The following GTF2E2 variants were observed in gnomAD, a reference collection of about 807,000 sequenced individuals.
The protein encoded by GTF2E2 is general transcription factor IIE subunit 2.
In GTF2E2, 21 loss-of-function variants were observed where a neutral mutation model predicts 40.5. That is an observed-to-expected ratio of 0.52 (90% confidence interval 0.37 to 0.75). GTF2E2 has a LOEUF of 0.75. Among genes scored for constraint, GTF2E2 ranks in the 30% least tolerant of loss-of-function variants. GTF2E2 has a pLI of 0.00. For synonymous variants in GTF2E2, 117 were observed against 121.6 expected, an observed-to-expected ratio of 0.96 and a Z score of 0.25; for missense variants, 298 against 338.4, an observed-to-expected ratio of 0.88 and a Z score of 0.94.
At chr8:30,581,245 C>T (rs1828508390) in intron 6 of GTF2E2, among the ~76,000 whole-genome samples, 1 of 152,152 alleles carries the variant, frequency 6.6e-6, no homozygotes. Context: ...CACAACTGCC[C>T]CACGCACTGA....
At chr8:30,639,118 T>C (rs1801716629) in intron 2 of GTF2E2, among the ~76,000 whole-genome samples, 1 of 152,234 alleles carries the variant, frequency 6.6e-6, no homozygotes, top group Admixed American at 6.5e-5. Context: ...TTATATTTTT[T>C]AGAATATGAG....
intron 2 of GTF2E2, chr8:30,643,637 G>A (rs1346638944): frequency 8.5e-5 from 12 of 141,164 alleles, no homozygotes; most frequent in African/African-American, 3.0e-4. Context: ...TCCAGCCTGG[G>A]CAACAGAGCA....
rs561198137 is a variant in GTF2E2, at chr8:30,614,547, T to TA, written c.366+60dup. Reference sequence around the variant, plus strand: ...TGTGCAACAGAGCAAGACTCTGTCTTAAAAAAAAAAGAAAATTCTAGTTAC... The same window carrying TA: ...TGTGCAACAGAGCAAGACTCTGTCTTAAAAAAAAAAAGAAAATTCTAGTTAC... On this transcript the variant is annotated intron_variant, in intron 4 of 7. Coordinates refer to ENST00000355904, the MANE Select transcript of GTF2E2 (RefSeq NM_002095.6). 7,385 of 821,506 alleles carry TA rather than the reference T, an allele frequency of 9.0e-3. 1 individual carries two copies. Among genetic ancestry groups the TA allele is most frequent in the Non-Finnish European group, 9.8e-3 (5,038 of 515,878 alleles). 50.9% of individuals were successfully genotyped at this position (821,506 alleles called of 1,614,324 possible). A position where few individuals can be genotyped will look rare whatever the true frequency, so the allele number is the denominator to read the frequency against.
At chr8:30,594,719 G>C (rs542980737) in intron 6 of GTF2E2, among the ~76,000 whole-genome samples, 1 of 151,948 alleles carries the variant, frequency 6.6e-6, no homozygotes, top group Non-Finnish European at 1.5e-5. Flanking sequence ...TTAGACGGGC[G>C]TGGTGGTGTA....
At chr8:30,650,992 C>A (rs1195271328) in intron 2 of GTF2E2, among the ~76,000 whole-genome samples, 3 of 140,058 alleles carry the variant, frequency 2.1e-5, no homozygotes, top group Non-Finnish European at 3.0e-5. Context: ...CCAGCCTGGG[C>A]AACAGAGCAA....
At chr8:30,599,363 G>A (rs531644079) in intron 6 of GTF2E2, among the ~76,000 whole-genome samples, 2 of 152,000 alleles carry the variant, frequency 1.3e-5, no homozygotes, top group South Asian at 2.1e-4. Context: ...AATCACTTGA[G>A]GTCAGGAGTT....
At chr8:30,637,729 G>T (rs1231553215) in intron 2 of GTF2E2, among the ~76,000 whole-genome samples, 1 of 152,108 alleles carries the variant, frequency 6.6e-6, no homozygotes, top group Non-Finnish European at 1.5e-5. Flanking sequence ...CACCATCTTG[G>T]CCAGGCTGGT....
chr8:30,610,429 G>C (rs1829446393), intron 5 of GTF2E2, among the ~76,000 whole-genome samples: 1 of 133,514 alleles, frequency 7.5e-6, no homozygotes, highest in African/African-American at 2.8e-5. Flanking sequence ...ATGGGTGACA[G>C]TGTGACTCTG....
At position 30,580,324 on chromosome 8, in the gene GTF2E2, C is replaced by T. The variant is rs748268212; in HGVS notation, c.716G>A (p.Arg239Gln). Reference sequence around the variant, plus strand: ...TTCCTGCATGGAAGAAATACCCTGTCGCTTCAGATATTCTTCAATTTTCTC... The same window carrying T: ...TTCCTGCATGGAAGAAATACCCTGTTGCTTCAGATATTCTTCAATTTTCTC... ...DEEKIEEYLKRQGISSMQESG... is the reference protein window; with the variant it reads ...DEEKIEEYLKQQGISSMQESG... Residue 239 changes from arginine (R) to glutamine (Q), a missense_variant, in exon 7 of 8, where the codon CGA (arginine) becomes CAA (glutamine). Transcript: ENST00000355904. 8.7e-6 allele frequency: 14 copies of T among 1,610,686 alleles called. No homozygotes were observed. The highest frequency in any genetic ancestry group is 3.3e-5 in the South Asian group (3 of 91,016).
At chr8:30,651,978 C>T (rs1378388733) in intron 2 of GTF2E2, among the ~76,000 whole-genome samples, 4 of 152,112 alleles carry the variant, frequency 2.6e-5, no homozygotes, top group Non-Finnish European at 5.9e-5. Flanking sequence ...GGGGAAAGAT[C>T]ATCATTTCAA....
In GTF2E2 at chr8:30,585,772, TAAAAAAAAAAAAAA is replaced by T. The variant is rs146018850; in HGVS notation, c.644-5390_644-5377del. Among the ~76,000 whole-genome samples the T allele has an allele frequency of 8.9e-5, 6 of 67,620 alleles. No homozygotes were observed. In the South Asian group the frequency reaches 2.5e-3, roughly 28 times the overall value. 44.4% of individuals were successfully genotyped at this position (67,620 alleles called of 152,430 possible). Reference sequence around the variant, plus strand: ...AGCATTAAGGTACATCTTTGCCCTTTAAAAAAAAAAAAAAAAAAAAAAAAAAAAAAGGCCAGGCC... The same window carrying T: ...AGCATTAAGGTACATCTTTGCCCTTTAAAAAAAAAAAAAAAAGGCCAGGCC... On this transcript the variant is annotated intron_variant, in intron 6 of 7. Transcript: ENST00000355904.
At chr8:30,622,588 A>C (rs529801805) in intron 3 of GTF2E2, among the ~76,000 whole-genome samples, 3 of 151,946 alleles carry the variant, frequency 2.0e-5, no homozygotes, top group Non-Finnish European at 4.4e-5. Context: ...GTCTGACCAA[A>C]ATTTATTGGG....
At chr8:30,634,011 TAAC>T (rs1383759792) in intron 3 of GTF2E2, among the ~76,000 whole-genome samples, 1 of 152,182 alleles carries the variant, frequency 6.6e-6, no homozygotes, top group East Asian at 1.9e-4. Context: ...GAAATTAAAA[TAAC>T]AAATATAGTA....
intron 6 of GTF2E2, among the ~76,000 whole-genome samples, chr8:30,596,113 T>C (rs911335951): frequency 6.6e-6 from 1 of 152,226 alleles, no homozygotes; most frequent in Admixed American, 6.5e-5. Flanking sequence ...TGCCTCGGTG[T>C]TTTTCTGTCA....
At chr8:30,608,274 G>A (rs556656498) in intron 5 of GTF2E2, among the ~76,000 whole-genome samples, 45 of 152,204 alleles carry the variant, frequency 3.0e-4, no homozygotes, top group African/African-American at 9.1e-4. Flanking sequence ...ATCAACAAGC[G>A]AACAAAATGC....
At chr8:30,616,424 G>A (rs1255394562) in intron 3 of GTF2E2, among the ~76,000 whole-genome samples, 1 of 151,862 alleles carries the variant, frequency 6.6e-6, no homozygotes, top group African/African-American at 2.4e-5. Context: ...AACAGAGCAA[G>A]ACTCTGTTTT....
intron 6 of GTF2E2, among the ~76,000 whole-genome samples, chr8:30,604,656 T>C (rs10283325): frequency 0.026 from 3,968 of 152,330 alleles, 182 homozygotes; most frequent in African/African-American, 0.091. Flanking sequence ...ACCAAGCATA[T>C]GTTATCACAA....
At chr8:30,638,088 A>G (rs1036492836) in intron 2 of GTF2E2, among the ~76,000 whole-genome samples, 1 of 152,196 alleles carries the variant, frequency 6.6e-6, no homozygotes, top group East Asian at 1.9e-4. Flanking sequence ...AAAGCCAATT[A>G]TTTTCCTTCA....
chr8:30,625,212 T>C (rs1232871000), intron 3 of GTF2E2, among the ~76,000 whole-genome samples: 1 of 152,140 alleles, frequency 6.6e-6, no homozygotes, highest in Non-Finnish European at 1.5e-5. Context: ...GGGTTTTTTT[T>C]TAGTATGAAG....
Sources: gnomAD v4.1 joint callset for allele counts (sites outside exome capture counted in the v4.1 genomes callset) on GRCh38, gnomAD v4.1.1 for gene constraint, MANE v1.5 for transcripts, NCBI Gene and HGNC (gene_info 2026-07-23, HGNC 2026-07-21) for gene names.